The following FGFR1 variants were observed in gnomAD, a reference collection of about 807,000 sequenced individuals.
FGFR1 encodes the protein fibroblast growth factor receptor 1.
Under a neutral mutation model 93.7 loss-of-function variants are expected in FGFR1, and 18 were observed. The observed-to-expected ratio is 0.19, with a 90% CI of 0.13 to 0.28. FGFR1 has a LOEUF of 0.28. Ranked by LOEUF, FGFR1 falls within the 10% of genes least tolerant of loss-of-function variation. FGFR1 has a pLI of 1.00. For missense variants in FGFR1, 731 were observed against 1,080.4 expected (o/e 0.68, Z 4.53); for synonymous variants, 448 against 429.3 (o/e 1.04, Z -0.54).
chr8:38,439,228 G>A (rs1285104911), intron 2 of FGFR1, among the ~76,000 whole-genome samples: 2 of 152,120 alleles, frequency 1.3e-5, no homozygotes, highest in Admixed American at 6.5e-5. Context: ...ACTGTGTCCA[G>A]GTACTCTTCC....
rs947952994 is a variant in FGFR1, at chr8:38,468,518, C to T, written c.-626G>A. 11 of 228,642 alleles carry T rather than the reference C, an allele frequency of 4.8e-5. No individual in the cohort carries two copies. Among genetic ancestry groups the T allele is most frequent in the Non-Finnish European group, 7.8e-5 (9 of 114,972 alleles). 14.2% of individuals were successfully genotyped at this position (228,642 alleles called of 1,614,324 possible). On this transcript the variant is annotated 5_prime_UTR_variant, in exon 1 of 18. Coordinates refer to ENST00000447712, the MANE Select transcript of FGFR1 (RefSeq NM_023110.3). ...CGTCCGGACGTGGCCGCCCAGCTCC[C>T]GGCACACCCGGGTTCCTCCGCGCGC...
In FGFR1 at chr8:38,418,252, G is replaced by C. The variant is rs2150670987; in HGVS notation, c.1406C>G (p.Pro469Arg). The C allele has an allele frequency of 1.2e-6, 2 of 1,614,242 alleles. No individual in the cohort carries two copies. Among genetic ancestry groups the C allele is most frequent in the South Asian group, 2.2e-5 (2 of 91,088 alleles). Residue 469 changes from proline (P) to arginine (R), a missense_variant, in exon 10 of 18, where the codon CCT becomes CGT. Pro to Arg is a moderately radical substitution (Grantham distance 103). Transcript: ENST00000447712. ...CCTGTCCCGAGGCAGCTCCCAGCGA[G>C]GGTCTTCGGGAAGCTCATACTCAGA... ...GVSEYELPED[P>R]RWELPRDRLV...
intron 2 of FGFR1, among the ~76,000 whole-genome samples, chr8:38,442,366 TG>T (rs1435930646): frequency 6.9e-6 from 1 of 145,378 alleles, no homozygotes; most frequent in Non-Finnish European, 1.5e-5. Flanking sequence ...TAAAGTGGTG[TG>T]TGTGTGTGTG....
intron 2 of FGFR1, among the ~76,000 whole-genome samples, chr8:38,448,047 C>G (rs1274056911): frequency 6.6e-6 from 1 of 152,218 alleles, no homozygotes; most frequent in Admixed American, 6.5e-5. Flanking sequence ...GAAAAACATT[C>G]TCTGTATGGC....
chr8:38,466,138 A>C (rs1835438985), intron 1 of FGFR1: 1 of 231,938 alleles, frequency 4.3e-6, no homozygotes, highest in Admixed American at 5.6e-5. Flanking sequence ...TTTAAACGGT[A>C]AAACACCCCA....
At chr8:38,440,447 AGCTGC>A in intron 2 of FGFR1, 4 of 1,295,804 alleles carry the variant, frequency 3.1e-6, no homozygotes, top group Admixed American at 2.6e-5. Flanking sequence ...ATAGAAGGAG[AGCTGC>A]AAAAATGGGG....
intron 6 of FGFR1, among the ~76,000 whole-genome samples, chr8:38,425,145 CT>C (rs34812083): frequency 0.19 from 27,662 of 146,300 alleles, 2,939 homozygotes; most frequent in East Asian, 0.31. Context: ...TCCTTTTTAC[CT>C]TTTTTTTTTT....
chr8:38,442,569 G>C (rs1336617043), intron 2 of FGFR1, among the ~76,000 whole-genome samples: 1 of 151,986 alleles, frequency 6.6e-6, no homozygotes, highest in East Asian at 1.9e-4. Flanking sequence ...ACGGCAAAGA[G>C]GTAACCCTGC....
At chr8:38,443,445 A>T in intron 2 of FGFR1, among the ~76,000 whole-genome samples, 1 of 150,880 alleles carries the variant, frequency 6.6e-6, no homozygotes, top group Non-Finnish European at 1.5e-5. Context: ...GGATTGTTTG[A>T]GTCCAGGGGT....
chr8:38,439,232 C>T (rs1378879445), intron 2 of FGFR1, among the ~76,000 whole-genome samples: 1 of 152,162 alleles, frequency 6.6e-6, no homozygotes, highest in East Asian at 1.9e-4. Flanking sequence ...TGTCCAGGTA[C>T]TCTTCCAGGG....
chr8:38,417,086 C>T (rs1816915212), intron 12 of FGFR1, among the ~76,000 whole-genome samples: 1 of 152,238 alleles, frequency 6.6e-6, no homozygotes, highest in Admixed American at 6.5e-5. Flanking sequence ...ACTCAGCTGC[C>T]TCTGTTAACA....
chr8:38,452,954 C>T (rs757759202), intron 2 of FGFR1, among the ~76,000 whole-genome samples: 14 of 152,150 alleles, frequency 9.2e-5, no homozygotes, highest in East Asian at 1.9e-4. Context: ...TCCAGCCTCG[C>T]GACAGAGTGA....
chr8:38,447,794 A>G (rs1355319028), intron 2 of FGFR1, among the ~76,000 whole-genome samples: 2 of 152,206 alleles, frequency 1.3e-5, no homozygotes, highest in Non-Finnish European at 2.9e-5. Flanking sequence ...ATTTATTATT[A>G]TATTTTAAAA....
chr8:38,416,221 CAG>C (rs914805001), intron 12 of FGFR1, among the ~76,000 whole-genome samples, 161 bp from the exon 13 acceptor site: 1 of 152,098 alleles, frequency 6.6e-6, no homozygotes, highest in African/African-American at 2.4e-5. Context: ...CAAAAAAAAT[CAG>C]AGAAATAATT....
At chr8:38,464,548 A>G (rs1835116772) in intron 1 of FGFR1, among the ~76,000 whole-genome samples, 1 of 152,122 alleles carries the variant, frequency 6.6e-6, no homozygotes, top group Non-Finnish European at 1.5e-5. Flanking sequence ...AGTAGATGCA[A>G]CCTTAGGAGG....
At chr8:38,456,026 C>A (rs1379338033) in intron 2 of FGFR1, among the ~76,000 whole-genome samples, 1 of 152,212 alleles carries the variant, frequency 6.6e-6, no homozygotes, top group East Asian at 1.9e-4. Context: ...CCTGCTCTAG[C>A]CACTGCACCT....
At chr8:38,419,508 G>T in intron 9 of FGFR1, 25 bp downstream of exon 9, 1 of 1,601,192 alleles carries the variant, frequency 6.2e-7, no homozygotes, top group Non-Finnish European at 8.6e-7. Flanking sequence ...GTGGTGCTGA[G>T]TGTGCAAATC....
In FGFR1 at chr8:38,419,786, C is replaced by T. The variant is rs368650560; in HGVS notation, c.1082-51G>A. On this transcript the variant is annotated intron_variant, in intron 8 of 17. Transcript: ENST00000447712. ...GCAGGCTTGGAGGGCCCCGTCCATG[C>T]GAGGTCCCGCTCCATTAGAAAAGCA... 232 of 1,515,334 alleles carry T rather than the reference C, an allele frequency of 1.5e-4. 1 individual carries two copies. Among genetic ancestry groups the T allele is most frequent in the South Asian group, 4.6e-4 (40 of 87,476 alleles). 93.9% of individuals were successfully genotyped at this position (1,515,334 alleles called of 1,614,324 possible). A position where few individuals can be genotyped will look rare whatever the true frequency, so the allele number is the denominator to read the frequency against.
rs966820722 is a variant in FGFR1, at chr8:38,459,797, C to T, written c.-88-2263G>A. On this transcript the variant is annotated intron_variant, in intron 1 of 17. Transcript: ENST00000447712. ...TGATCAAGCCTGACTCCATCTGATG[C>T]AAACTCAATTTATCCAAACCAAGTA... Among the ~76,000 whole-genome samples the T allele has an allele frequency of 4.6e-5, 7 of 152,112 alleles. No homozygotes were observed. In the South Asian group the frequency reaches 1.4e-3, roughly 31 times the overall value.
Sources: gnomAD v4.1 joint callset for allele counts (sites outside exome capture counted in the v4.1 genomes callset) on GRCh38, gnomAD v4.1.1 for gene constraint, MANE v1.5 for transcripts, NCBI Gene and HGNC (gene_info 2026-07-23, HGNC 2026-07-21) for gene names.